Variants in FAM83B observed in about 807,000 individuals in gnomAD.
The protein encoded by FAM83B is scaffolding CK1 anchoring protein B.
Under a neutral mutation model 38.8 loss-of-function variants are expected in FAM83B, and 26 were observed. The observed-to-expected ratio is 0.67, with a 90% CI of 0.49 to 0.93. The LOEUF (loss-of-function observed/expected upper bound fraction) is 0.93. Among genes scored for constraint, FAM83B ranks in the 40% least tolerant of loss-of-function variants. The probability of loss-of-function intolerance (pLI) is 0.00; values close to 1 mark genes in which losing one functional copy is unlikely to be tolerated. For synonymous variants in FAM83B, 419 were observed against 423.1 expected (o/e 0.99, Z 0.12); for missense variants, 1,237 against 1,197.3 (o/e 1.03, Z -0.49).
intron 2 of FAM83B, among the ~76,000 whole-genome samples, chr6:54,925,418 C>T (rs1773266545): frequency 6.6e-6 from 1 of 152,084 alleles, no homozygotes; most frequent in African/African-American, 2.4e-5. Flanking sequence ...ATATGCCTGG[C>T]ACATAGAAGG....
intron 2 of FAM83B, among the ~76,000 whole-genome samples, chr6:54,875,674 A>C: frequency 6.6e-6 from 1 of 151,510 alleles, no homozygotes; most frequent in African/African-American, 2.4e-5. Context: ...GGAGGGGAAG[A>C]GGGAAGGTGG....
Position 54,941,389 on chromosome 6 carries a change from A to T in FAM83B, c.2418A>T (p.Thr806=). The change falls in exon 5 of 5, where the codon ACA becomes ACT. Residue 806 remains threonine, a synonymous_variant. Coordinates refer to ENST00000306858, the MANE Select transcript of FAM83B (RefSeq NM_001010872.3). The part of the protein sequence containing the change: ...AFYRLCSSSD[T]LVSEGEENQK... ...ATAGATTGTGTAGTAGCTCTGACAC[A>T]TTAGTTTCTGAGGGTGAAGAAAATC... 2 of 1,613,370 alleles carry T rather than the reference A, an allele frequency of 1.2e-6. No homozygotes were observed. Among genetic ancestry groups the T allele is most frequent in the Non-Finnish European group, 1.7e-6 (2 of 1,179,872 alleles).
intron 2 of FAM83B, among the ~76,000 whole-genome samples, chr6:54,897,237 A>AAAAC (rs1376637546): frequency 6.6e-6 from 1 of 151,962 alleles, no homozygotes; most frequent in African/African-American, 2.4e-5. Context: ...TAAAAAAAAA[A>AAAAC]AACCATCTGG....
At chr6:54,873,941 G>C (rs552053133) in intron 2 of FAM83B, among the ~76,000 whole-genome samples, 1 of 152,018 alleles carries the variant, frequency 6.6e-6, no homozygotes, top group African/African-American at 2.4e-5. Flanking sequence ...AAAGTTATCT[G>C]CTTAAAGGCC....
At chr6:54,904,861 A>G (rs1226869884) in intron 2 of FAM83B, among the ~76,000 whole-genome samples, 1 of 152,200 alleles carries the variant, frequency 6.6e-6, no homozygotes, top group Non-Finnish European at 1.5e-5. Context: ...CAGAGAAAAA[A>G]TATATTCTGT....
At chr6:54,883,280 A>G (rs1382756823) in intron 2 of FAM83B, among the ~76,000 whole-genome samples, 1 of 142,676 alleles carries the variant, frequency 7.0e-6, no homozygotes, top group African/African-American at 2.6e-5. Context: ...AAGATGAGAT[A>G]TATTCTTCAT....
At chr6:54,913,844 C>A (rs972870680) in intron 2 of FAM83B, among the ~76,000 whole-genome samples, 1 of 151,816 alleles carries the variant, frequency 6.6e-6, no homozygotes, top group African/African-American at 2.4e-5. Flanking sequence ...AAGCAAATTT[C>A]ATGCATCATA....
At position 54,882,573 on chromosome 6, in the gene FAM83B, A is replaced by G. The variant is rs561304444; in HGVS notation, c.444+11883A>G. 3.3e-5 allele frequency among the ~76,000 whole-genome samples: 5 copies of G among 152,290 alleles called. No individual in the cohort carries two copies. In the East Asian group the frequency reaches 9.7e-4, roughly 29 times the overall value. ...GACCACTCCAGGCAGGCTCCATGCA[A>G]ACCAGCTGAACATTCACAACCATGC... On this transcript the variant is annotated intron_variant, in intron 2 of 4. Transcript: ENST00000306858.
intron 1 of FAM83B, among the ~76,000 whole-genome samples, chr6:54,849,702 AC>A (rs1771226310): frequency 7.0e-6 from 1 of 142,594 alleles, no homozygotes; most frequent in East Asian, 1.9e-4. Flanking sequence ...TCTAATTACT[AC>A]CCAGTTTGTC....
At position 54,857,164 on chromosome 6, in the gene FAM83B, A is replaced by C. The variant is rs145291337; in HGVS notation, c.-61+10338A>C. On this transcript the variant is annotated intron_variant, in intron 1 of 4. Transcript: ENST00000306858. Reference sequence around the variant, plus strand: ...TCGCACTATTTTATAGTTGAGGCACACTACCCTTGTTAAATGTATTTGGGA... The same window carrying C: ...TCGCACTATTTTATAGTTGAGGCACCCTACCCTTGTTAAATGTATTTGGGA... Among the ~76,000 whole-genome samples the C allele has an allele frequency of 8.1e-3, 1,240 of 152,320 alleles. 24 individuals are homozygous for C. The highest frequency in any genetic ancestry group is 0.028 in the African/African-American group (1,169 of 41,562).
Position 54,941,845 on chromosome 6 carries a change from A to G in FAM83B, c.2874A>G (p.Ile958Met). 6.2e-7 allele frequency: 1 copy of G among 1,614,166 alleles called. No individual in the cohort carries two copies. Among genetic ancestry groups the G allele is most frequent in the East Asian group, 2.2e-5 (1 of 44,876 alleles). ...CAAGCAACATGCCAAATACCAGTAT[A>G]AATCGCCCAGAAATAAAATCTGCGA... is the stretch of plus-strand genomic sequence containing the variant. The part of the protein sequence containing the change: ...QPTSNMPNTS[I>M]NRPEIKSATM... The change falls in exon 5 of 5, where the codon ATA (isoleucine) becomes ATG (methionine). Residue 958 changes from isoleucine to methionine, a missense_variant. Coordinates refer to ENST00000306858, the MANE Select transcript of FAM83B (RefSeq NM_001010872.3).
intron 2 of FAM83B, among the ~76,000 whole-genome samples, chr6:54,875,209 A>AT (rs1771962059): frequency 6.6e-6 from 1 of 152,130 alleles, no homozygotes; most frequent in Non-Finnish European, 1.5e-5. Flanking sequence ...CCAACTTAAG[A>AT]TTATTTTGAT....
At chr6:54,922,494 A>T (rs1294939918) in intron 2 of FAM83B, among the ~76,000 whole-genome samples, 3 of 152,000 alleles carry the variant, frequency 2.0e-5, no homozygotes, top group Non-Finnish European at 4.4e-5. Flanking sequence ...AATTTTGGGT[A>T]TGATTTTAAG....
chr6:54,887,062 T>G (rs969548984), intron 2 of FAM83B, among the ~76,000 whole-genome samples: 5 of 152,228 alleles, frequency 3.3e-5, no homozygotes, highest in African/African-American at 9.6e-5. Context: ...TAATTTACTC[T>G]GTATGACTTA....
rs1221571924 is a variant in FAM83B at position 54,942,777 on chromosome 6, G to T, written c.*770G>T. 6.6e-6 allele frequency among the ~76,000 whole-genome samples: 1 copy of T among 151,286 alleles called. No homozygotes were observed. The highest frequency in any genetic ancestry group is 1.5e-5 in the Non-Finnish European group (1 of 68,004). On this transcript the variant is annotated 3_prime_UTR_variant, in exon 5 of 5. Coordinates refer to ENST00000306858, the MANE Select transcript of FAM83B (RefSeq NM_001010872.3). ...TTTAGGACAAACCAGTAGGAATTTA[G>T]AAAATCTGAATGATTCCCCCTCCTT...
chr6:54,879,661 C>T (rs916381563), intron 2 of FAM83B, among the ~76,000 whole-genome samples: 7 of 152,138 alleles, frequency 4.6e-5, no homozygotes, highest in Admixed American at 1.3e-4. Context: ...AGGTTGATTA[C>T]GGCCAAATTG....
At chr6:54,851,367 G>A (rs962014031) in intron 1 of FAM83B, among the ~76,000 whole-genome samples, 12 of 147,878 alleles carry the variant, frequency 8.1e-5, no homozygotes, top group East Asian at 2.0e-4. Flanking sequence ...TTTTTTTCCC[G>A]TTCATCTTTC....
intron 1 of FAM83B, among the ~76,000 whole-genome samples, chr6:54,866,260 A>G (rs939548054): frequency 3.4e-4 from 51 of 150,942 alleles, no homozygotes; most frequent in African/African-American, 1.1e-3. Context: ...TTTTTTCATT[A>G]AACTTTTTAT....
chr6:54,906,642 C>A (rs921693020), intron 2 of FAM83B, among the ~76,000 whole-genome samples: 2 of 152,084 alleles, frequency 1.3e-5, no homozygotes, highest in Admixed American at 6.5e-5. Context: ...CCTCGGCCTC[C>A]CAAATTTCTG....
Sources: allele counts gnomAD v4.1 joint callset (sites outside exome capture counted in the v4.1 genomes callset), GRCh38; gene constraint gnomAD v4.1.1; transcripts MANE v1.5; gene names NCBI Gene and HGNC (gene_info 2026-07-23, HGNC 2026-07-21).